BRINP3: variants seen among roughly 807,000 people sequenced by gnomAD.
BRINP3 encodes BMP/retinoic acid inducible neural specific 3, also known as BMP/retinoic acid-inducible neural-specific protein 3.
Under a neutral mutation model 71.0 loss-of-function variants are expected in BRINP3, and 19 were observed. The observed-to-expected ratio is 0.27, with a 90% confidence interval of 0.19 to 0.39. The LOEUF is 0.39. Among genes scored for constraint, BRINP3 ranks in the 10% least tolerant of loss-of-function variants. The pLI is 1.00. For synonymous variants in BRINP3, 380 were observed against 337.7 expected (o/e 1.13, Z -1.37); for missense variants, 959 against 940.8 (o/e 1.02, Z -0.25).
chr1:190,100,511 CA>C (rs1484484649), intron 7 of BRINP3, among the ~76,000 whole-genome samples: 1 of 151,998 alleles, frequency 6.6e-6, no homozygotes, highest in Non-Finnish European at 1.5e-5. Flanking sequence ...GAATAAAATG[CA>C]TGGATTAGCC....
At chr1:190,357,180 T>A (rs928250071) in intron 2 of BRINP3, among the ~76,000 whole-genome samples, 1 of 152,000 alleles carries the variant, frequency 6.6e-6, no homozygotes, top group African/African-American at 2.4e-5. Flanking sequence ...TTTTTTCAGA[T>A]CAGTTAGTTG....
At chr1:190,350,059 A>G (rs1668277153) in intron 2 of BRINP3, among the ~76,000 whole-genome samples, 1 of 152,112 alleles carries the variant, frequency 6.6e-6, no homozygotes, top group Non-Finnish European at 1.5e-5. Flanking sequence ...TTAGCATTTG[A>G]CTAGAAAACC....
chr1:190,356,446 C>T (rs967211997), intron 2 of BRINP3, among the ~76,000 whole-genome samples: 21 of 151,926 alleles, frequency 1.4e-4, no homozygotes, highest in Non-Finnish European at 2.5e-4. Flanking sequence ...AGATGAACAG[C>T]AGTACATCCC....
chr1:190,373,304 C>G (rs1669978284), intron 2 of BRINP3, among the ~76,000 whole-genome samples: 1 of 151,864 alleles, frequency 6.6e-6, no homozygotes, highest in Non-Finnish European at 1.5e-5. Flanking sequence ...GCAGGAGAAT[C>G]TCTTGAACCC....
intron 3 of BRINP3, among the ~76,000 whole-genome samples, chr1:190,272,873 T>A (rs1284664248): frequency 6.6e-6 from 1 of 151,530 alleles, no homozygotes; most frequent in Non-Finnish European, 1.5e-5. Context: ...ATAGTTCTTT[T>A]AATGAATATC....
At chr1:190,320,326 T>C (rs1558179108) in intron 2 of BRINP3, among the ~76,000 whole-genome samples, 1 of 152,066 alleles carries the variant, frequency 6.6e-6, no homozygotes, top group Non-Finnish European at 1.5e-5. Context: ...GTGATGGTAG[T>C]TGTAATTGTG....
chr1:190,155,872 C>T (rs1252892614), intron 7 of BRINP3, among the ~76,000 whole-genome samples: 1 of 152,160 alleles, frequency 6.6e-6, no homozygotes, highest in East Asian at 1.9e-4. Context: ...TGCAGTCCCC[C>T]CAGCCAGGAA....
intron 4 of BRINP3, among the ~76,000 whole-genome samples, chr1:190,243,209 C>T (rs1659278271): frequency 6.6e-6 from 1 of 152,044 alleles, no homozygotes; most frequent in African/African-American, 2.4e-5. Flanking sequence ...TTAGTTAGGA[C>T]AAAGTTGCCA....
chr1:190,254,090 T>A (rs1264777723), intron 4 of BRINP3, among the ~76,000 whole-genome samples: 1 of 152,144 alleles, frequency 6.6e-6, no homozygotes, highest in African/African-American at 2.4e-5. Flanking sequence ...TGTGTGGTGC[T>A]ATTTCTGAGG....
intron 2 of BRINP3, among the ~76,000 whole-genome samples, chr1:190,297,310 G>C (rs989233066): frequency 6.6e-6 from 1 of 151,778 alleles, no homozygotes; most frequent in Non-Finnish European, 1.5e-5. Context: ...TGAGAAAACT[G>C]GATATTCATA....
At chr1:190,155,395 A>G (rs1408550360) in intron 7 of BRINP3, among the ~76,000 whole-genome samples, 2 of 152,204 alleles carry the variant, frequency 1.3e-5, no homozygotes, top group African/African-American at 4.8e-5. Context: ...ACATTGGTAG[A>G]TTGATATTGA....
At chr1:190,271,131 T>G (rs1662076493) in intron 3 of BRINP3, among the ~76,000 whole-genome samples, 1 of 151,640 alleles carries the variant, frequency 6.6e-6, no homozygotes. Flanking sequence ...TGTTGCAACA[T>G]TAATTGAAAA....
intron 3 of BRINP3, among the ~76,000 whole-genome samples, chr1:190,273,478 C>A (rs1411890161): frequency 6.6e-6 from 1 of 151,480 alleles, no homozygotes; most frequent in Non-Finnish European, 1.5e-5. Context: ...GCAGCTGTGT[C>A]TTGTGCAACT....
chr1:190,406,785 CAAAT>C (rs1220105138), intron 2 of BRINP3, among the ~76,000 whole-genome samples: 2 of 151,848 alleles, frequency 1.3e-5, no homozygotes, highest in Admixed American at 6.5e-5. Context: ...TTCTGAATTT[CAAAT>C]AAATAATTAT....
chr1:190,249,780 C>A (rs1053656334), intron 4 of BRINP3, among the ~76,000 whole-genome samples: 1 of 151,752 alleles, frequency 6.6e-6, no homozygotes, highest in Non-Finnish European at 1.5e-5. Flanking sequence ...AGGCCCCAAA[C>A]TTTTCTACTG....
intron 2 of BRINP3, among the ~76,000 whole-genome samples, chr1:190,421,367 G>A (rs1307370583): frequency 6.7e-6 from 1 of 149,544 alleles, no homozygotes; most frequent in Non-Finnish European, 1.5e-5. Flanking sequence ...GGATTTTTGG[G>A]TAACTCTGGG....
intron 2 of BRINP3, among the ~76,000 whole-genome samples, chr1:190,330,133 G>A (rs1352202942): frequency 6.6e-6 from 1 of 151,896 alleles, no homozygotes; most frequent in Non-Finnish European, 1.5e-5. Flanking sequence ...AAACTGGCAA[G>A]TAGGACCTAT....
chr1:190,231,222 T>C (rs1657959395), intron 5 of BRINP3, among the ~76,000 whole-genome samples: 1 of 151,776 alleles, frequency 6.6e-6, no homozygotes, highest in South Asian at 2.1e-4. Flanking sequence ...TAAATTATTA[T>C]CTGTCTTCAT....
chr1:190,148,888 C>A (rs1375673756), intron 7 of BRINP3, among the ~76,000 whole-genome samples: 1 of 151,982 alleles, frequency 6.6e-6, no homozygotes, highest in South Asian at 2.1e-4. Context: ...ACTAGGACAC[C>A]TTCTTTAACA....
Sources: gnomAD v4.1 joint callset for allele counts (sites outside exome capture counted in the v4.1 genomes callset) on GRCh38, gnomAD v4.1.1 for gene constraint, MANE v1.5 for transcripts, NCBI Gene and HGNC (gene_info 2026-07-23, HGNC 2026-07-21) for gene names.